SYT16: variants seen among roughly 807,000 people sequenced by gnomAD.
The protein encoded by SYT16 is synaptotagmin-16.
Under a neutral mutation model 61.4 loss-of-function variants are expected in SYT16, and 42 were observed. The ratio of observed to expected loss-of-function variants is 0.68; its 90% CI spans 0.53 to 0.89. SYT16 has a LOEUF of 0.89. Ranked by LOEUF, SYT16 falls within the 40% of genes least tolerant of loss-of-function variation. SYT16 has a pLI of 0.00. For missense variants in SYT16, 804 were observed against 807.3 expected, an observed-to-expected ratio of 1.00 and a Z score of 0.05; for synonymous variants, 314 against 302.3, an observed-to-expected ratio of 1.04 and a Z score of -0.40.
At chr14:62,016,370 T>C (rs535316557) in intron 3 of SYT16, among the ~76,000 whole-genome samples, 1 of 152,214 alleles carries the variant, frequency 6.6e-6, no homozygotes, top group Non-Finnish European at 1.5e-5. Context: ...ATTTGAGTCT[T>C]TGAAATAATT....
At chr14:62,007,629 CA>C (rs1463392185) in intron 3 of SYT16, among the ~76,000 whole-genome samples, 1 of 151,994 alleles carries the variant, frequency 6.6e-6, no homozygotes, top group Non-Finnish European at 1.5e-5. Flanking sequence ...AGGCATATAA[CA>C]AAATCCTATG....
At chr14:62,054,994 A>G (rs867226648) in intron 3 of SYT16, among the ~76,000 whole-genome samples, 3 of 151,842 alleles carry the variant, frequency 2.0e-5, no homozygotes, top group Middle Eastern at 3.4e-3. Context: ...CAATGAGATT[A>G]AAAAAAATCT....
At position 62,084,271 on chromosome 14, in the gene SYT16, G is replaced by A. The variant is rs767075860; in HGVS notation, c.1510G>A (p.Gly504Arg). 1.9e-6 allele frequency: 3 copies of A among 1,613,984 alleles called. No individual in the cohort carries two copies. In the African/African-American group the frequency reaches 4.0e-5, roughly 22 times the overall value. Reference sequence around the variant, plus strand: ...TTCATCCACGCAGTCGCTGTCTCATGGAGGGGCGCCAGAGCTGTTGGTGGG... The same window carrying A: ...TTCATCCACGCAGTCGCTGTCTCATAGAGGGGCGCCAGAGCTGTTGGTGGG... Reference protein sequence around the residue: ...STSSTQSLSHGGAPELLVGLS... With the variant: ...STSSTQSLSHRGAPELLVGLS... Residue 504 changes from glycine (G) to arginine (R), a missense_variant, in exon 7 of 8, where the codon GGA becomes AGA. Physicochemically the swap from Gly to Arg is moderately radical, Grantham distance 125 (BLOSUM62 -2). Transcript: ENST00000683842.
At chr14:62,010,028 G>A (rs370580592) in intron 3 of SYT16, among the ~76,000 whole-genome samples, 9 of 152,218 alleles carry the variant, frequency 5.9e-5, no homozygotes, top group African/African-American at 2.2e-4. Flanking sequence ...CCAATACCCT[G>A]TATTAAATAA....
In SYT16 at chr14:62,084,196, A is replaced by G; in HGVS notation, c.1435A>G (p.Ser479Gly). The change falls in exon 7 of 8, where the codon AGT (serine) becomes GGT (glycine). Residue 479 changes from serine (S) to glycine (G), a missense_variant and splice_region_variant. Coordinates refer to ENST00000683842, the MANE Select transcript of SYT16 (RefSeq NM_001367656.1). ...LVLEPRSNIS[S>G]GGSPLSPSAV... is the part of the protein sequence containing the mutation. ...ATTCTTTGTTGTTCTTCCCCTCCAG[A>G]GTGGAGGGTCTCCGCTCAGCCCATC... is the stretch of plus-strand genomic sequence containing the variant. 1 of 1,612,702 alleles carries G rather than the reference A, an allele frequency of 6.2e-7. No homozygotes were observed. The highest frequency in any genetic ancestry group is 1.7e-5 in the Admixed American group (1 of 59,700).
intron 1 of SYT16, among the ~76,000 whole-genome samples, chr14:61,856,361 G>C (rs2046774289): frequency 6.6e-6 from 1 of 152,144 alleles, no homozygotes; most frequent in South Asian, 2.1e-4. Flanking sequence ...GGTGAGAATA[G>C]TCAGATTTTG....
At chr14:61,825,155 TC>T (rs902979600) in intron 1 of SYT16, among the ~76,000 whole-genome samples, 4 of 152,160 alleles carry the variant, frequency 2.6e-5, no homozygotes, top group African/African-American at 9.7e-5. Flanking sequence ...GGTGGTTCTT[TC>T]ACATTTGAGA....
At chr14:61,832,403 A>G in intron 1 of SYT16, 2 of 514,806 alleles carry the variant, frequency 3.9e-6, no homozygotes, top group Admixed American at 2.2e-5. Context: ...GCCGCCCTCT[A>G]TGCCCGGTGT....
intron 3 of SYT16, among the ~76,000 whole-genome samples, chr14:62,032,831 T>G (rs1295744574): frequency 2.0e-5 from 3 of 152,024 alleles, no homozygotes; most frequent in Non-Finnish European, 4.4e-5. Flanking sequence ...TCTTTTTTTT[T>G]GTTACAGCCC....
intron 1 of SYT16, among the ~76,000 whole-genome samples, chr14:61,859,254 G>C (rs1310919445): frequency 1.3e-5 from 2 of 152,260 alleles, no homozygotes; most frequent in East Asian, 3.9e-4. Flanking sequence ...ATGCTGGCGG[G>C]AACTAGGGAC....
At chr14:62,093,504 AAC>A (rs1243590181) in intron 7 of SYT16, among the ~76,000 whole-genome samples, 3 of 152,030 alleles carry the variant, frequency 2.0e-5, no homozygotes, top group Admixed American at 6.6e-5. Flanking sequence ...TCATACTATA[AAC>A]ACACTACAGT....
intron 1 of SYT16, among the ~76,000 whole-genome samples, chr14:61,835,934 C>T (rs181347567): frequency 8.7e-4 from 132 of 152,294 alleles, no homozygotes; most frequent in Admixed American, 5.9e-4. Flanking sequence ...GACCCACTCT[C>T]GTTGGCCTAG....
chr14:61,974,026 A>C (rs1371369403), intron 2 of SYT16, among the ~76,000 whole-genome samples: 1 of 152,124 alleles, frequency 6.6e-6, no homozygotes, highest in Non-Finnish European at 1.5e-5. Flanking sequence ...TTGTGGCAGG[A>C]GACTGCCTCA....
At position 62,004,979 on chromosome 14, in the gene SYT16, G is replaced by A. The variant is rs879563691; in HGVS notation, c.523+8437G>A. Among the ~76,000 whole-genome samples the A allele has an allele frequency of 9.8e-5, 15 of 152,322 alleles. No homozygotes were observed. The East Asian group carries it at 2.7e-3, about 27-fold the overall frequency. On this transcript the variant is annotated intron_variant, in intron 3 of 7. Coordinates refer to ENST00000683842, the MANE Select transcript of SYT16 (RefSeq NM_001367656.1). ...TCATGACTTCCAGGCAGGGGTGGTA[G>A]ATGAGGCTTCCCAGATGGTCTCCAG...
chr14:61,828,736 A>C (rs1437492001), intron 1 of SYT16, among the ~76,000 whole-genome samples: 2 of 152,216 alleles, frequency 1.3e-5, no homozygotes, highest in Admixed American at 1.3e-4. Context: ...TAAACATATA[A>C]ATTTGAATAC....
In SYT16 at chr14:62,084,302, C is replaced by T. The variant is rs191032067; in HGVS notation, c.1541C>T (p.Ser514Leu). Reference sequence around the variant, plus strand: ...GCGCCAGAGCTGTTGGTGGGGCTCTCGTACAATGCCACAACGGGGCGATTA... The same window carrying T: ...GCGCCAGAGCTGTTGGTGGGGCTCTTGTACAATGCCACAACGGGGCGATTA... ...GGAPELLVGL[S>L]YNATTGRLSV... The change falls in exon 7 of 8, where the codon TCG (serine) becomes TTG (leucine). Residue 514 changes from serine to leucine, a missense_variant. Ser to Leu is a moderately radical substitution (Grantham distance 145). Transcript: ENST00000683842. The T allele has an allele frequency of 3.8e-5, 61 of 1,613,490 alleles. No individual in the cohort carries two copies. The highest frequency in any genetic ancestry group is 6.7e-5 in the Admixed American group (4 of 59,890).
At chr14:61,877,242 A>T (rs1352731896) in intron 1 of SYT16, among the ~76,000 whole-genome samples, 3 of 152,112 alleles carry the variant, frequency 2.0e-5, no homozygotes, top group African/African-American at 7.2e-5. Context: ...AATGGCAGGC[A>T]TGTGATGGTT....
At chr14:61,957,067 G>A (rs929064171) in intron 1 of SYT16, among the ~76,000 whole-genome samples, 2 of 151,644 alleles carry the variant, frequency 1.3e-5, no homozygotes, top group African/African-American at 4.8e-5. Context: ...TTTTGATATT[G>A]TAAGTGCAAT....
At chr14:61,981,653 G>A (rs886907393) in intron 2 of SYT16, among the ~76,000 whole-genome samples, 19 of 152,128 alleles carry the variant, frequency 1.2e-4, no homozygotes, top group Admixed American at 3.9e-4. Flanking sequence ...ACTTAGACAC[G>A]GGTTATTGTC....
Sources: gnomAD v4.1 joint callset for allele counts (sites outside exome capture counted in the v4.1 genomes callset) on GRCh38, gnomAD v4.1.1 for gene constraint, MANE v1.5 for transcripts, NCBI Gene and HGNC (gene_info 2026-07-23, HGNC 2026-07-21) for gene names.